Variants in COL22A1 observed in about 807,000 individuals in gnomAD.
The protein encoded by COL22A1 is collagen type XXII alpha 1 chain.
Under a neutral mutation model 248.9 loss-of-function variants are expected in COL22A1, and 221 were observed. The observed-to-expected ratio is 0.89, with a 90% confidence interval of 0.80 to 0.99. The LOEUF is 0.99. Ranked by LOEUF, COL22A1 falls within the 50% of genes least tolerant of loss-of-function variation. The pLI, the probability that COL22A1 is intolerant of heterozygous loss-of-function variation, is 0.00. For missense variants in COL22A1, 2,240 were observed against 2,179.0 expected, an observed-to-expected ratio of 1.03 and a Z score of -0.56; for synonymous variants, 891 against 793.4, an observed-to-expected ratio of 1.12 and a Z score of -2.07.
intron 35 of COL22A1, among the ~76,000 whole-genome samples, chr8:138,691,350 C>G (rs939402182): frequency 3.5e-5 from 5 of 141,722 alleles, no homozygotes; most frequent in Admixed American, 2.8e-4. Flanking sequence ...CGTGTGTGCA[C>G]GTTTGTGGAG....
At chr8:138,874,390 T>C (rs1823557246) in intron 3 of COL22A1, among the ~76,000 whole-genome samples, 1 of 152,226 alleles carries the variant, frequency 6.6e-6, no homozygotes, top group Non-Finnish European at 1.5e-5. Context: ...TTTTCCTTCA[T>C]GTATCAGATC....
chr8:138,626,060 A>G, intron 51 of COL22A1, 130 bp downstream of exon 51: 1 of 676,252 alleles, frequency 1.5e-6, no homozygotes, highest in Non-Finnish European at 2.4e-6. Flanking sequence ...TTTTGTTTCT[A>G]ATTTTCTACA....
intron 49 of COL22A1, among the ~76,000 whole-genome samples, chr8:138,634,755 T>C (rs7003632): frequency 0.88 from 133,482 of 152,174 alleles, 60,163 homozygotes; most frequent in East Asian, 1. Flanking sequence ...AGAAGAAGTC[T>C]GTCTGTCTTT....
chr8:138,912,102 ATC>A (rs1164549423), intron 1 of COL22A1, among the ~76,000 whole-genome samples: 1 of 152,146 alleles, frequency 6.6e-6, no homozygotes, highest in Non-Finnish European at 1.5e-5. Context: ...TGTGTTATCT[ATC>A]TCTATCTCTT....
At chr8:138,825,838 G>A (rs1178217106) in intron 6 of COL22A1, 2 of 152,176 alleles carry the variant, frequency 1.3e-5, no homozygotes, top group Non-Finnish European at 2.9e-5. Context: ...AGAAAGAAAC[G>A]GTTTGTCTAT....
At chr8:138,659,071 T>A (rs111442690) in intron 44 of COL22A1, among the ~76,000 whole-genome samples, 3 of 152,264 alleles carry the variant, frequency 2.0e-5, no homozygotes, top group African/African-American at 7.2e-5. Context: ...GGCCTGAACC[T>A]CACTCTCCCT....
chr8:138,853,396 T>C (rs1821780811), intron 3 of COL22A1, among the ~76,000 whole-genome samples: 1 of 152,140 alleles, frequency 6.6e-6, no homozygotes, highest in African/African-American at 2.4e-5. Flanking sequence ...TAATAATGAC[T>C]CATGAGGGAG....
At chr8:138,849,700 A>C (rs1337752831) in intron 3 of COL22A1, among the ~76,000 whole-genome samples, 1 of 152,202 alleles carries the variant, frequency 6.6e-6, no homozygotes, top group Non-Finnish European at 1.5e-5. Flanking sequence ...GACTTGTAGA[A>C]GGGTCTTCCT....
At chr8:138,866,405 GA>G (rs1157990103) in intron 3 of COL22A1, among the ~76,000 whole-genome samples, 3 of 152,182 alleles carry the variant, frequency 2.0e-5, no homozygotes, top group Admixed American at 6.5e-5. Context: ...TTTATATAGA[GA>G]TTGTCTATGT....
chr8:138,861,758 A>C (rs1822475251), intron 3 of COL22A1, among the ~76,000 whole-genome samples: 1 of 152,230 alleles, frequency 6.6e-6, no homozygotes, highest in South Asian at 2.1e-4. Context: ...GTGAACTTAA[A>C]GCACAGTAAA....
chr8:138,745,063 C>T (rs372501787), intron 22 of COL22A1, among the ~76,000 whole-genome samples: 10 of 152,158 alleles, frequency 6.6e-5, no homozygotes, highest in South Asian at 2.1e-4. Context: ...AGGTCATTCA[C>T]GTTTCTGGAT....
intron 16 of COL22A1, among the ~76,000 whole-genome samples, chr8:138,766,638 G>T (rs903233988): frequency 6.6e-6 from 1 of 152,152 alleles, no homozygotes; most frequent in Non-Finnish European, 1.5e-5. Context: ...TAAGACAGGC[G>T]CAGACAGAGA....
intron 18 of COL22A1, among the ~76,000 whole-genome samples, chr8:138,758,241 A>T (rs916766287): frequency 1.3e-5 from 2 of 152,196 alleles, no homozygotes; most frequent in African/African-American, 4.8e-5. Context: ...TGGACCCTTG[A>T]GATAACTATT....
intron 31 of COL22A1, among the ~76,000 whole-genome samples, chr8:138,702,884 C>A (rs988902600): frequency 5.3e-5 from 8 of 152,084 alleles, no homozygotes; most frequent in African/African-American, 1.9e-4. Context: ...GTCTTCATGC[C>A]CTCAAAGCCC....
chr8:138,868,733 C>CT (rs1823089380), intron 3 of COL22A1, among the ~76,000 whole-genome samples: 2 of 124,544 alleles, frequency 1.6e-5, no homozygotes, highest in Non-Finnish European at 4.0e-5. Flanking sequence ...TCATTGTCCT[C>CT]CTTTTTTTTT....
rs78829404 is a variant in COL22A1 at position 138,605,812 on chromosome 8, T to C, written c.4104+569A>G. Among the ~76,000 whole-genome samples, 377 of 152,286 alleles carry C rather than the reference T, an allele frequency of 2.5e-3. 3 individuals are homozygous for C. Among genetic ancestry groups the C allele is most frequent in the African/African-American group, 8.8e-3 (367 of 41,560 alleles). ...GATTACCTTACAGCTTCCCCCTGCCTTAAGCTGTCAAGTCAGGAGACCTTG... is the reference window on the plus strand; with the variant it reads ...GATTACCTTACAGCTTCCCCCTGCCCTAAGCTGTCAAGTCAGGAGACCTTG... On this transcript the variant is annotated intron_variant, in intron 58 of 64. Transcript: ENST00000303045.
chr8:138,827,275 G>T (rs1819664883), intron 5 of COL22A1: 1 of 162,330 alleles, frequency 6.2e-6, no homozygotes, highest in Admixed American at 5.8e-5. Flanking sequence ...CAAGGTGATG[G>T]TAACAGCAGA....
Position 138,608,044 on chromosome 8 carries a change from T to C in COL22A1, c.3979-55A>G, listed in dbSNP as rs1818563741. On this transcript the variant is annotated intron_variant, in intron 56 of 64. Transcript: ENST00000303045. ...GCCAGGGCATCAAAGAGCAGGACGG[T>C]GGAACAAAGAGATAGACTGATGCAC... The C allele has an allele frequency of 2.6e-6, 4 of 1,555,042 alleles. No individual in the cohort carries two copies. In the Admixed American group the frequency reaches 5.1e-5, roughly 20 times the overall value.
chr8:138,751,001 G>T (rs1247825292), intron 22 of COL22A1, among the ~76,000 whole-genome samples: 2 of 4,950 alleles, frequency 4.0e-4, no homozygotes, highest in African/African-American at 3.5e-3. Context: ...GAAAACAGGT[G>T]CTTAATTAAT....
Sources: allele counts gnomAD v4.1 joint callset (sites outside exome capture counted in the v4.1 genomes callset), GRCh38; gene constraint gnomAD v4.1.1; transcripts MANE v1.5; gene names NCBI Gene and HGNC (gene_info 2026-07-23, HGNC 2026-07-21).